Variants in LINGO2 observed in about 807,000 individuals in gnomAD.
LINGO2 encodes the protein leucine rich repeat and Ig domain containing 2, also known as leucine-rich repeat and immunoglobulin-like domain-containing nogo receptor-interacting protein 2.
A neutral mutation model predicts 30.6 loss-of-function variants in LINGO2; 14 were observed. That is an observed-to-expected ratio of 0.46 (90% CI 0.30 to 0.72). The LOEUF (loss-of-function observed/expected upper bound fraction) is 0.72, where lower values mean the gene tolerates loss of function less well. Ranked by LOEUF, LINGO2 falls within the 30% of genes least tolerant of loss-of-function variation. The pLI, the probability that LINGO2 is intolerant of heterozygous loss-of-function variation, is 0.07. For missense variants in LINGO2, 729 were observed against 751.7 expected (o/e 0.97, Z 0.35); for synonymous variants, 317 against 288.5 (o/e 1.10, Z -1.00).
the LINGO2 span, among the ~76,000 whole-genome samples, chr9:28,747,637 A>T: frequency 6.6e-6 from 1 of 152,160 alleles, no homozygotes; most frequent in Middle Eastern, 3.4e-3. Context: ...TCCCTCTCCC[A>T]TAAGGGGTTT....
chr9:29,023,494 C>A, the LINGO2 span, among the ~76,000 whole-genome samples: 23 of 151,916 alleles, frequency 1.5e-4, no homozygotes, highest in African/African-American at 5.6e-4. Flanking sequence ...CTAGTTAGCA[C>A]TCTTTCATTT....
At chr9:28,556,992 C>T (rs1490898368) in intron 1 of LINGO2, among the ~76,000 whole-genome samples, 11 of 151,868 alleles carry the variant, frequency 7.2e-5, no homozygotes, top group African/African-American at 2.4e-4. Flanking sequence ...ATACAAAAAT[C>T]AATTCAAGAT....
chr9:28,186,800 A>G (rs1819557579), intron 4 of LINGO2, among the ~76,000 whole-genome samples: 2 of 152,174 alleles, frequency 1.3e-5, no homozygotes, highest in Admixed American at 1.3e-4. Flanking sequence ...TTTGACAAGC[A>G]GCAAGAGGAC....
chr9:28,077,910 T>C (rs1825672178), intron 4 of LINGO2, among the ~76,000 whole-genome samples: 2 of 149,060 alleles, frequency 1.3e-5, no homozygotes, highest in Admixed American at 1.3e-4. Flanking sequence ...CTCTACTGCT[T>C]CTTTGAAGGA....
the LINGO2 span, among the ~76,000 whole-genome samples, chr9:28,860,964 TATC>T: frequency 7.5e-6 from 1 of 132,974 alleles, no homozygotes; most frequent in Admixed American, 8.9e-5. Context: ...ATATATTATA[TATC>T]ATTAATATAT....
intron 1 of LINGO2, among the ~76,000 whole-genome samples, chr9:28,593,573 C>T (rs1294208606): frequency 6.6e-6 from 1 of 152,082 alleles, no homozygotes; most frequent in Non-Finnish European, 1.5e-5. Flanking sequence ...AAAGGTCTGA[C>T]TATTGCTATT....
the LINGO2 span, among the ~76,000 whole-genome samples, chr9:28,860,623 C>A: frequency 0.013 from 1,966 of 150,884 alleles, 31 homozygotes; most frequent in Middle Eastern, 0.024. Flanking sequence ...ATTTCTCTCT[C>A]TATATATAAA....
chr9:28,841,538 T>G, the LINGO2 span, among the ~76,000 whole-genome samples: 11 of 151,710 alleles, frequency 7.3e-5, no homozygotes, highest in Non-Finnish European at 1.2e-4. Flanking sequence ...TTTAGGGAGT[T>G]TACATTCTAG....
At chr9:28,282,339 G>A (rs10448168) in intron 4 of LINGO2, among the ~76,000 whole-genome samples, 33,617 of 151,710 alleles carry the variant, frequency 0.22, 4,191 homozygotes, top group Non-Finnish European at 0.29. Context: ...ACAATGATAA[G>A]TAATGAGTGA....
intron 5 of LINGO2, among the ~76,000 whole-genome samples, chr9:27,996,694 C>A (rs1294957699): frequency 6.6e-6 from 1 of 152,100 alleles, no homozygotes; most frequent in African/African-American, 2.4e-5. Flanking sequence ...TGTCCAATAG[C>A]ACAATAGGGC....
the LINGO2 span, among the ~76,000 whole-genome samples, chr9:29,208,103 A>G: frequency 6.6e-6 from 1 of 152,084 alleles, no homozygotes; most frequent in African/African-American, 2.4e-5. Context: ...CATTTCATAG[A>G]TTAAATCACT....
At chr9:28,737,060 A>G in the LINGO2 span, among the ~76,000 whole-genome samples, 2 of 152,214 alleles carry the variant, frequency 1.3e-5, no homozygotes, top group African/African-American at 2.4e-5. Context: ...TTAGATCAAC[A>G]GATGACAGAA....
chr9:28,105,566 G>A (rs149469608), intron 4 of LINGO2, among the ~76,000 whole-genome samples: 1,908 of 152,262 alleles, frequency 0.013, 20 homozygotes, highest in Middle Eastern at 0.031. Context: ...GGACTGAACT[G>A]TGTTCCCCCC....
chr9:28,606,631 A>G (rs1255588742), intron 1 of LINGO2, among the ~76,000 whole-genome samples: 3 of 152,054 alleles, frequency 2.0e-5, no homozygotes, highest in African/African-American at 7.2e-5. Flanking sequence ...AAAATGAGGT[A>G]AAATTTGTTA....
intron 4 of LINGO2, among the ~76,000 whole-genome samples, chr9:28,258,306 C>T (rs1822448631): frequency 6.6e-6 from 1 of 151,810 alleles, no homozygotes; most frequent in South Asian, 2.1e-4. Flanking sequence ...ATCTCTCTCT[C>T]CCATCCTAAG....
rs78003310 is a variant in LINGO2 at position 28,649,911 on chromosome 9, A to G, written c.-365+20289T>C. On this transcript the variant is annotated intron_variant, in intron 1 of 5. Transcript: ENST00000379992. Reference sequence around the variant, plus strand: ...ATTCAACCCTCAGAAGGCAGAGACCAGTTTTGTGTTATTCTACAGAGTTTG... The same window carrying G: ...ATTCAACCCTCAGAAGGCAGAGACCGGTTTTGTGTTATTCTACAGAGTTTG... Among the ~76,000 whole-genome samples the G allele has an allele frequency of 6.4e-3, 978 of 152,268 alleles. 8 individuals carry two copies. Among genetic ancestry groups the G allele is most frequent in the African/African-American group, 0.02 (827 of 41,558 alleles).
intron 1 of LINGO2, among the ~76,000 whole-genome samples, chr9:28,500,079 T>C (rs7036760): frequency 0.71 from 108,347 of 152,006 alleles, 38,705 homozygotes; most frequent in South Asian, 0.76. Flanking sequence ...TCATCTGCCC[T>C]TCTCCCTGTT....
the LINGO2 span, among the ~76,000 whole-genome samples, chr9:29,016,435 A>C: frequency 6.6e-6 from 1 of 152,300 alleles, no homozygotes; most frequent in African/African-American, 2.4e-5. Context: ...AGGAACACTA[A>C]AGTAGAATGT....
chr9:28,348,015 T>C (rs1819660062), intron 3 of LINGO2, among the ~76,000 whole-genome samples: 1 of 152,210 alleles, frequency 6.6e-6, no homozygotes, highest in Admixed American at 6.5e-5. Flanking sequence ...GTATAAGCTA[T>C]TCTCAGAAGT....
Sources: allele counts gnomAD v4.1 joint callset (sites outside exome capture counted in the v4.1 genomes callset), GRCh38; gene constraint gnomAD v4.1.1; transcripts MANE v1.5; gene names NCBI Gene and HGNC (gene_info 2026-07-23, HGNC 2026-07-21).